WNK3: variants seen among roughly 807,000 people sequenced by gnomAD.
WNK3 encodes serine/threonine-protein kinase WNK3.
A neutral mutation model predicts 116.7 loss-of-function variants in WNK3; 18 were observed. The observed-to-expected ratio is 0.15, with a 90% confidence interval of 0.11 to 0.23. WNK3 has a LOEUF of 0.23. WNK3 is among the 10% of genes least tolerant of loss of function. The pLI is 1.00. For synonymous variants in WNK3, 404 were observed against 469.4 expected, an observed-to-expected ratio of 0.86 and a Z score of 1.80; for missense variants, 993 against 1,323.8, an observed-to-expected ratio of 0.75 and a Z score of 3.88.
rs781811519 is a variant in WNK3, at chrX:54,255,901, T to A, written c.2103-14A>T. 8.4e-7 allele frequency: 1 copy of A among 1,184,274 alleles called. No individual in the cohort carries two copies. The highest frequency in any genetic ancestry group is 1.9e-5 in the South Asian group (1 of 52,531). ...TCTTGATTCAAGCTAGTAATATTTT[T>A]AAAAAAGTAACTCATTCCAGTCTTG... On this transcript the variant is annotated splice_polypyrimidine_tract_variant and intron_variant, in intron 11 of 23. Coordinates refer to ENST00000354646, the Ensembl canonical transcript of WNK3.
At chrX:54,345,054 C>T (rs5914132) in intron 1 of WNK3, among the ~76,000 whole-genome samples, 6 of 107,675 alleles carry the variant, frequency 5.6e-5, no homozygotes, top group African/African-American at 2.0e-4. Context: ...TCCAGATCAT[C>T]CTGGCTAACA....
chrX:54,244,805 CCT>C (rs2068058433), intron 17 of WNK3, among the ~76,000 whole-genome samples: 1 of 110,977 alleles, frequency 9.0e-6, no homozygotes, highest in Non-Finnish European at 1.9e-5. Context: ...CCATAACCTC[CCT>C]CTTTCCCCTC....
intron 10 of WNK3, among the ~76,000 whole-genome samples, chrX:54,270,870 A>G (rs1176740717): frequency 8.1e-5 from 9 of 111,305 alleles, no homozygotes; most frequent in African/African-American, 2.6e-4. Context: ...GCTGAGAATA[A>G]TAGCTTCCAG....
intron 10 of WNK3, among the ~76,000 whole-genome samples, chrX:54,290,085 G>C (rs782782112): frequency 9.0e-6 from 1 of 111,423 alleles, no homozygotes; most frequent in African/African-American, 3.3e-5. Flanking sequence ...AGACCAGCCT[G>C]GCCAACATGA....
At chrX:54,228,059 T>G (rs183802067) in intron 22 of WNK3, among the ~76,000 whole-genome samples, 1 of 110,049 alleles carries the variant, frequency 9.1e-6, no homozygotes, top group Non-Finnish European at 1.9e-5. Flanking sequence ...CCTGGCTAAT[T>G]TTATAGAGAT....
intron 12 of WNK3, 123 bp from the exon 13 acceptor site, chrX:54,254,198 T>C (rs1029431434): frequency 1.4e-4 from 61 of 424,330 alleles, no homozygotes; most frequent in Non-Finnish European, 1.2e-4. Flanking sequence ...TAGTTCAGAA[T>C]GTTTTCCCTT....
At chrX:54,245,768 T>G (rs901175993) in intron 17 of WNK3, among the ~76,000 whole-genome samples, 1 of 112,032 alleles carries the variant, frequency 8.9e-6, no homozygotes, top group Non-Finnish European at 1.9e-5. Context: ...AATGTTACAC[T>G]GAACATTCTT....
At chrX:54,280,069 C>T (rs890262941) in intron 10 of WNK3, among the ~76,000 whole-genome samples, 4 of 112,051 alleles carry the variant, frequency 3.6e-5, no homozygotes, top group Admixed American at 9.5e-5. Context: ...GAGGCCGAGG[C>T]GGGTGGATCA....
intron 4 of WNK3, 36 bp from the exon 5 acceptor site, chrX:54,308,115 G>A (rs1557169024): frequency 1.8e-6 from 2 of 1,095,667 alleles, no homozygotes; most frequent in South Asian, 4.8e-5. Flanking sequence ...TCTTATAGAA[G>A]AGAAAAACGT....
intron 1 of WNK3, among the ~76,000 whole-genome samples, chrX:54,338,003 T>C (rs1212588954): frequency 9.0e-6 from 1 of 110,948 alleles, no homozygotes; most frequent in East Asian, 2.8e-4. Flanking sequence ...GAGGACAAGG[T>C]TGTAGTAAGA....
At chrX:54,347,131 T>C in intron 1 of WNK3, among the ~76,000 whole-genome samples, 1 of 111,970 alleles carries the variant, frequency 8.9e-6, no homozygotes, top group East Asian at 2.8e-4. Flanking sequence ...ATTACCTACA[T>C]GTAGCCATTT....
At chrX:54,205,277 AAAC>A (rs2067542275) in intron 22 of WNK3, among the ~76,000 whole-genome samples, 1 of 108,756 alleles carries the variant, frequency 9.2e-6, no homozygotes, top group East Asian at 2.8e-4. Flanking sequence ...CCAAACAAAC[AAAC>A]AACAAAAAAA....
At chrX:54,326,406 T>A (rs1195008524) in intron 2 of WNK3, among the ~76,000 whole-genome samples, 8 of 111,561 alleles carry the variant, frequency 7.2e-5, no homozygotes, top group Admixed American at 2.9e-4. Flanking sequence ...ATATATTTTT[T>A]AAATAAAGTT....
intron 6 of WNK3, among the ~76,000 whole-genome samples, chrX:54,300,607 C>G (rs191822021): frequency 1.1e-3 from 127 of 111,984 alleles, no homozygotes; most frequent in African/African-American, 4.0e-3. Flanking sequence ...TGCTATAAAT[C>G]CTTTGCAATA....
chrX:54,243,488 A>C (rs1273902450), intron 17 of WNK3, among the ~76,000 whole-genome samples: 1 of 110,662 alleles, frequency 9.0e-6, no homozygotes, highest in Non-Finnish European at 1.9e-5. Context: ...CCAATTAAAA[A>C]ATAGGCAAAG....
chrX:54,299,539 C>T (rs1209034607), intron 6 of WNK3, among the ~76,000 whole-genome samples: 2 of 105,616 alleles, frequency 1.9e-5, no homozygotes, highest in East Asian at 5.9e-4. Flanking sequence ...ATTTTCCTGC[C>T]TCAGCCTCCC....
chrX:54,306,047 T>G (rs970521116), intron 5 of WNK3, among the ~76,000 whole-genome samples: 4 of 110,578 alleles, frequency 3.6e-5, no homozygotes, highest in Non-Finnish European at 7.6e-5. Flanking sequence ...AGGGCAAGAC[T>G]CGGTCTCAAA....
chrX:54,294,910 T>C, intron 7 of WNK3, 63 bp from the exon 8 acceptor site: 1 of 1,039,644 alleles, frequency 9.6e-7, no homozygotes, highest in Non-Finnish European at 1.3e-6. Flanking sequence ...CTTTTTTTTT[T>C]TTTTTGAGAC....
intron 22 of WNK3, among the ~76,000 whole-genome samples, chrX:54,227,299 T>C (rs1301013380): frequency 8.9e-6 from 1 of 112,074 alleles, no homozygotes; most frequent in African/African-American, 3.2e-5. Flanking sequence ...TTTTATCTCA[T>C]TGTGCCTTTG....
Sources: gnomAD v4.1 joint callset for allele counts (sites outside exome capture counted in the v4.1 genomes callset) on GRCh38, gnomAD v4.1.1 for gene constraint, MANE v1.5 for transcripts, NCBI Gene and HGNC (gene_info 2026-07-23, HGNC 2026-07-21) for gene names.